Variants in ARHGEF11 observed in about 807,000 individuals in gnomAD.
The protein encoded by ARHGEF11 is Rho guanine exchange factor (GEF) 11.
A neutral mutation model predicts 193.7 loss-of-function variants in ARHGEF11; 55 were observed. The ratio of observed to expected loss-of-function variants is 0.28; its 90% CI spans 0.23 to 0.36. ARHGEF11 has a LOEUF of 0.36. Ranked by LOEUF, ARHGEF11 falls within the 10% of genes least tolerant of loss-of-function variation. The pLI is 1.00. For missense variants in ARHGEF11, 1,723 were observed against 2,005.6 expected, an observed-to-expected ratio of 0.86 and a Z score of 2.69; for synonymous variants, 693 against 768.0, an observed-to-expected ratio of 0.90 and a Z score of 1.62.
chr1:157,015,864 C>T lies in ARHGEF11; in HGVS notation c.32+28435G>A, dbSNP rs570731649. 2.0e-5 allele frequency among the ~76,000 whole-genome samples: 3 copies of T among 152,336 alleles called. No homozygotes were observed. The East Asian group carries it at 5.8e-4, about 29-fold the overall frequency. Reference sequence around the variant, plus strand: ...CCAATCAAAAACATTTACTGAATTTCCACCAGGTGCCAGTCACTTTGCTAT... The same window carrying T: ...CCAATCAAAAACATTTACTGAATTTTCACCAGGTGCCAGTCACTTTGCTAT... On this transcript the variant is annotated intron_variant, in intron 1 of 40. Transcript: ENST00000368194.
chr1:156,962,063 C>G (rs944391785), intron 13 of ARHGEF11, among the ~76,000 whole-genome samples: 1 of 152,202 alleles, frequency 6.6e-6, no homozygotes, highest in Non-Finnish European at 1.5e-5. Flanking sequence ...CCCTTTCCCA[C>G]GGGCACATCT....
At chr1:157,036,198 T>A (rs987778023) in intron 1 of ARHGEF11, among the ~76,000 whole-genome samples, 44 of 137,424 alleles carry the variant, frequency 3.2e-4, no homozygotes, top group Non-Finnish European at 5.3e-4. Context: ...CATATATGAA[T>A]ATATATACAT....
At chr1:156,973,894 G>C (rs1052547355) in intron 7 of ARHGEF11, among the ~76,000 whole-genome samples, 3 of 152,078 alleles carry the variant, frequency 2.0e-5, no homozygotes, top group Admixed American at 2.0e-4. Context: ...CTCCTCGATG[G>C]TTTCCTTACA....
chr1:157,011,236 G>A (rs1668501995), intron 1 of ARHGEF11, among the ~76,000 whole-genome samples: 1 of 152,140 alleles, frequency 6.6e-6, no homozygotes, highest in Admixed American at 6.5e-5. Flanking sequence ...CAGTGGAGAG[G>A]TAATAGACTT....
chr1:157,033,171 T>G (rs550846562), intron 1 of ARHGEF11, among the ~76,000 whole-genome samples: 1 of 152,238 alleles, frequency 6.6e-6, no homozygotes, highest in South Asian at 2.1e-4. Context: ...CCACAGGCAC[T>G]TCAAACACAA....
At chr1:157,037,239 T>C (rs1672155852) in intron 1 of ARHGEF11, among the ~76,000 whole-genome samples, 1 of 152,190 alleles carries the variant, frequency 6.6e-6, no homozygotes. Flanking sequence ...ACCATAACCG[T>C]TCTGATTCAG....
intron 3 of ARHGEF11, 66 bp from the exon 4 acceptor site, chr1:156,980,552 C>T: frequency 1.3e-6 from 2 of 1,517,008 alleles, no homozygotes; most frequent in Non-Finnish European, 1.8e-6. Flanking sequence ...ACGAAGGTCC[C>T]TGTCAGATCA....
rs1658346663 is a variant in ARHGEF11, at chr1:156,947,417, G to A, written c.2375C>T (p.Thr792Ile). Residue 792 changes from threonine (T) to isoleucine (I), a missense_variant, in exon 26 of 41, where the codon ACA becomes ATA. Thr to Ile is a moderately conservative substitution (Grantham distance 89, BLOSUM62 -1). Coordinates refer to ENST00000368194, the MANE Select transcript of ARHGEF11 (RefSeq NM_198236.3). Reference sequence around the variant, plus strand: ...GAAGATCAGGTCCAGGACCCGGAGTGTGCGCAGGTGGGAAGCTTCAGTCAC... The same window carrying A: ...GAAGATCAGGTCCAGGACCCGGAGTATGCGCAGGTGGGAAGCTTCAGTCAC... The part of the protein sequence containing the change: ...LFVTEASHLR[T>I]LRVLDLIFYQ... 6.2e-7 allele frequency: 1 copy of A among 1,611,796 alleles called. No homozygotes were observed. The highest frequency in any genetic ancestry group is 8.5e-7 in the Non-Finnish European group (1 of 1,179,264).
Position 156,946,674 on chromosome 1 carries a change from C to A in ARHGEF11, c.2682G>T (p.Gln894His). 1 of 1,614,116 alleles carries A rather than the reference C, an allele frequency of 6.2e-7. No homozygotes were observed. The highest frequency in any genetic ancestry group is 1.3e-5 in the African/African-American group (1 of 75,050). ...GCCAAGGACGCACCTGCATGAAGAGCTGGAATCGACTCTCCTTGCGTTGCT... is the reference window on the plus strand; with the variant it reads ...GCCAAGGACGCACCTGCATGAAGAGATGGAATCGACTCTCCTTGCGTTGCT... ...KTKQRKESRF[Q>H]LFMQEAESHP... The change falls in exon 28 of 41, where the codon CAG (glutamine) becomes CAT (histidine). Residue 894 changes from glutamine (Q) to histidine (H), a missense_variant. By Grantham distance (24) the Gln-to-His change is conservative. This residue lies in a region of ARHGEF11 where 491 missense variants were observed against 654.5 expected (regional missense o/e 0.75). Coordinates refer to ENST00000368194, the MANE Select transcript of ARHGEF11 (RefSeq NM_198236.3).
At chr1:156,963,798 G>A in intron 11 of ARHGEF11, 1 of 1,410,670 alleles carries the variant, frequency 7.1e-7, no homozygotes, top group East Asian at 2.6e-5. Context: ...TCTGGGTGGG[G>A]CAGGGCAGAT....
chr1:156,940,313 T>C lies in ARHGEF11; in HGVS notation c.3627A>G (p.Thr1209=), dbSNP rs778946374. 1.9e-6 allele frequency: 3 copies of C among 1,613,832 alleles called. No individual in the cohort carries two copies. Among genetic ancestry groups the C allele is most frequent in the Non-Finnish European group, 2.5e-6 (3 of 1,179,834 alleles). Residue 1209 remains threonine, a synonymous_variant, in exon 36 of 41, where the codon ACA becomes ACG. Coordinates refer to ENST00000368194, the MANE Select transcript of ARHGEF11 (RefSeq NM_198236.3). ...TGCCCCTGTTCTCTCCATCCAGGGA[T>C]GTGGAAGGGCAAGGCAGGACACCCA... is the stretch of plus-strand genomic sequence containing the variant. ...EELGVLPCPS[T]SLDGENRGIR... is the part of the protein sequence containing the mutation.
In ARHGEF11 at chr1:156,935,925, C is replaced by G. The variant is rs74584761; in HGVS notation, c.*75G>C. The G allele has an allele frequency of 1.4e-4, 217 of 1,513,694 alleles. No individual in the cohort carries two copies. The highest frequency in any genetic ancestry group is 4.8e-4 in the Middle Eastern group (2 of 4,180). 93.8% of individuals were successfully genotyped at this position (1,513,694 alleles called of 1,614,324 possible). Reference sequence around the variant, plus strand: ...CACAGGGAGGAGTGTTGGGATCCCCCCTACCCTGTGCCCCGGTCTCAGGCC... The same window carrying G: ...CACAGGGAGGAGTGTTGGGATCCCCGCTACCCTGTGCCCCGGTCTCAGGCC... On this transcript the variant is annotated 3_prime_UTR_variant, in exon 41 of 41. Coordinates refer to ENST00000368194, the MANE Select transcript of ARHGEF11 (RefSeq NM_198236.3).
intron 11 of ARHGEF11, 91 bp from the exon 12 acceptor site, chr1:156,963,685 C>A: frequency 6.5e-7 from 1 of 1,545,858 alleles, no homozygotes; most frequent in Non-Finnish European, 8.7e-7. Flanking sequence ...TGCAGCACAG[C>A]ACTCACAAAG....
rs1654828817 is a variant in ARHGEF11 at position 156,935,082 on chromosome 1, T to C, written c.*918A>G. The C allele has an allele frequency of 1.3e-5, 2 of 152,222 alleles. No individual in the cohort carries two copies. Among genetic ancestry groups the C allele is most frequent in the South Asian group, 4.2e-4 (2 of 4,810 alleles). 9.4% of individuals were successfully genotyped at this position (152,222 alleles called of 1,614,324 possible). A position where few individuals can be genotyped will look rare whatever the true frequency, so the allele number is the denominator to read the frequency against. ...AATGCTGCGGTGGCCCCTTGGATGG[T>C]CCTGGGTGAATTCAGGGACTCGGCA... On this transcript the variant is annotated 3_prime_UTR_variant, in exon 41 of 41. Coordinates refer to ENST00000368194, the MANE Select transcript of ARHGEF11 (RefSeq NM_198236.3).
rs775574153 is a variant in ARHGEF11 at position 156,946,979 on chromosome 1, T to C, written c.2525A>G (p.Glu842Gly). 1.2e-6 allele frequency: 2 copies of C among 1,614,038 alleles called. No homozygotes were observed. The highest frequency in any genetic ancestry group is 1.7e-6 in the Non-Finnish European group (2 of 1,180,024). ...WCEAMKKLRE[E>G]GPIIKEISDL... ...ACTGATCTCTTTGATGATGGGGCCTTCCTCCCGGAGCTTCTTCATGGCTTC... is the reference window on the plus strand; with the variant it reads ...ACTGATCTCTTTGATGATGGGGCCTCCCTCCCGGAGCTTCTTCATGGCTTC... Residue 842 changes from glutamate (E) to glycine (G), a missense_variant, in exon 27 of 41, where the codon GAA (glutamate) becomes GGA (glycine). By Grantham distance (98) the Glu-to-Gly change is moderately conservative (BLOSUM62 -2). Coordinates refer to ENST00000368194, the MANE Select transcript of ARHGEF11 (RefSeq NM_198236.3).
chr1:156,969,624 C>T (rs879432031), intron 9 of ARHGEF11, among the ~76,000 whole-genome samples: 11 of 152,206 alleles, frequency 7.2e-5, no homozygotes, highest in Non-Finnish European at 1.5e-4. Flanking sequence ...CTCCATAACT[C>T]TCTCTCACAA....
chr1:156,972,658 C>T (rs1294273045), intron 7 of ARHGEF11, among the ~76,000 whole-genome samples: 1 of 152,154 alleles, frequency 6.6e-6, no homozygotes, highest in Non-Finnish European at 1.5e-5. Context: ...TTTACAAATT[C>T]CCCATACTTA....
At chr1:156,993,434 T>C (rs1370495900) in intron 1 of ARHGEF11, among the ~76,000 whole-genome samples, 1 of 151,958 alleles carries the variant, frequency 6.6e-6, no homozygotes, top group African/African-American at 2.4e-5. Flanking sequence ...ATAATACACA[T>C]ACATAAAATA....
In ARHGEF11 at chr1:156,956,401, C is replaced by T; in HGVS notation, c.1671+19G>A. 1.2e-6 allele frequency: 2 copies of T among 1,613,406 alleles called. No homozygotes were observed. The highest frequency in any genetic ancestry group is 1.7e-6 in the Non-Finnish European group (2 of 1,179,426). ...AAGTACTAGGATTACAGGCATGAGC[C>T]ACCATGCCCGGCCCTCACCTTCTTG... On this transcript the variant is annotated intron_variant, in intron 19 of 40. Transcript: ENST00000368194.
Sources: gnomAD v4.1 joint callset for allele counts (sites outside exome capture counted in the v4.1 genomes callset) on GRCh38, gnomAD v4.1.1 for gene constraint, gnomAD v4.1.1 regional missense constraint, MANE v1.5 for transcripts, NCBI Gene and HGNC (gene_info 2026-07-23, HGNC 2026-07-21) for gene names.